ROBO1: variants seen among roughly 807,000 people sequenced by gnomAD.
ROBO1 encodes roundabout guidance receptor 1.
In ROBO1, 149 loss-of-function variants were observed where a neutral mutation model predicts 195.9. The observed-to-expected ratio is 0.76, with a 90% CI of 0.67 to 0.87. The LOEUF is 0.87. Ranked by LOEUF, ROBO1 falls within the 40% of genes least tolerant of loss-of-function variation. ROBO1 has a pLI of 0.00. For synonymous variants in ROBO1, 816 were observed against 733.2 expected (o/e 1.11, Z -1.82); for missense variants, 1,933 against 2,068.3 (o/e 0.93, Z 1.27).
chr3:79,336,694 C>T (rs1329546372), intron 2 of ROBO1, among the ~76,000 whole-genome samples: 3 of 152,168 alleles, frequency 2.0e-5, no homozygotes, highest in African/African-American at 7.2e-5. Context: ...CCTAGTGGAG[C>T]TGTGAGAAGA....
chr3:78,835,049 T>G (rs71324650), intron 4 of ROBO1, among the ~76,000 whole-genome samples: 64 of 152,272 alleles, frequency 4.2e-4, no homozygotes, highest in Non-Finnish European at 7.1e-4. Flanking sequence ...CGACGGACTT[T>G]CATAACAGAG....
intron 4 of ROBO1, among the ~76,000 whole-genome samples, chr3:78,801,527 T>A (rs2084371373): frequency 6.6e-6 from 1 of 152,046 alleles, no homozygotes. Context: ...AGACATAAAA[T>A]GAAAATGTCA....
intron 4 of ROBO1, among the ~76,000 whole-genome samples, chr3:78,886,909 G>A (rs909267370): frequency 6.6e-6 from 1 of 152,022 alleles, no homozygotes; most frequent in African/African-American, 2.4e-5. Context: ...TGAGTTGCTG[G>A]TAATATCCTG....
At chr3:79,137,409 G>A (rs549468110) in intron 2 of ROBO1, among the ~76,000 whole-genome samples, 2 of 139,786 alleles carry the variant, frequency 1.4e-5, no homozygotes, top group Non-Finnish European at 3.1e-5. Context: ...TTCACACAAT[G>A]ATCTCAAAAT....
At chr3:79,107,408 C>G (rs932827299) in intron 3 of ROBO1, among the ~76,000 whole-genome samples, 1 of 151,628 alleles carries the variant, frequency 6.6e-6, no homozygotes, top group Non-Finnish European at 1.5e-5. Flanking sequence ...AGAGTTATAG[C>G]AGAGTTGCAA....
chr3:78,617,797 AGC>A lies in ROBO1; in HGVS notation c.4118_4119del (p.Gly1373ValfsTer18). The A allele has an allele frequency of 6.2e-7, 1 of 1,613,920 alleles. No individual in the cohort carries two copies. Among genetic ancestry groups the A allele is most frequent in the Non-Finnish European group, 8.5e-7 (1 of 1,179,854 alleles). ...TTGTCCTCCTCTGAGGCTGAGCCCC[AGC>A]CGTTGATCATGGACCCCGTGACAGA... ...ESSVTGSMIN[G>X]WGSASEEDNI... is the part of the protein sequence containing the mutation. On this transcript the variant is annotated frameshift_variant, in exon 27 of 31. Coordinates refer to ENST00000464233, the MANE Select transcript of ROBO1 (RefSeq NM_002941.4). LOFTEE classifies it high-confidence loss of function.
intron 1 of ROBO1, among the ~76,000 whole-genome samples, chr3:79,720,771 T>C (rs1393558231): frequency 1.3e-5 from 2 of 150,586 alleles, no homozygotes; most frequent in East Asian, 2.0e-4. Context: ...ATTAGTCACA[T>C]ACATAATTAA....
intron 4 of ROBO1, among the ~76,000 whole-genome samples, chr3:78,847,525 G>A (rs1243296824): frequency 6.6e-6 from 1 of 152,120 alleles, no homozygotes; most frequent in Non-Finnish European, 1.5e-5. Context: ...CAAAATATCT[G>A]GGTGGAGCAC....
rs113887855 is a variant in ROBO1 at position 79,058,821 on chromosome 3, G to T, written c.172+66635C>A. On this transcript the variant is annotated intron_variant, in intron 3 of 30. Coordinates refer to ENST00000464233, the MANE Select transcript of ROBO1 (RefSeq NM_002941.4). Reference sequence around the variant, plus strand: ...CTCCCCCTCAATACATTTAATTAATGAAGTGTTACAGCAAATTCTAAAAAG... The same window carrying T: ...CTCCCCCTCAATACATTTAATTAATTAAGTGTTACAGCAAATTCTAAAAAG... Among the ~76,000 whole-genome samples, 959 of 152,162 alleles carry T rather than the reference G, an allele frequency of 6.3e-3. 15 individuals are homozygous for T. The highest frequency in any genetic ancestry group is 0.022 in the African/African-American group (914 of 41,540).
chr3:79,733,143 C>T (rs1011372979), intron 1 of ROBO1, among the ~76,000 whole-genome samples: 4 of 152,178 alleles, frequency 2.6e-5, no homozygotes, highest in Non-Finnish European at 5.9e-5. Flanking sequence ...GCAAGGGCTA[C>T]ACTTTTTACC....
intron 28 of ROBO1, among the ~76,000 whole-genome samples, chr3:78,609,391 C>A (rs536830401): frequency 6.6e-6 from 1 of 152,148 alleles, no homozygotes; most frequent in African/African-American, 2.4e-5. Flanking sequence ...GCAGGGAGCA[C>A]CGTTCACATC....
At chr3:78,671,242 TA>T (rs1272958436) in intron 10 of ROBO1, among the ~76,000 whole-genome samples, 1 of 152,076 alleles carries the variant, frequency 6.6e-6, no homozygotes, top group African/African-American at 2.4e-5. Flanking sequence ...GAATAAATCC[TA>T]CATTGAAGAG....
chr3:79,543,061 C>T (rs1559978540), intron 2 of ROBO1, among the ~76,000 whole-genome samples: 3 of 151,962 alleles, frequency 2.0e-5, no homozygotes, highest in Non-Finnish European at 2.9e-5. Context: ...GCATTTATCT[C>T]ATACAGTGAA....
intron 4 of ROBO1, among the ~76,000 whole-genome samples, chr3:78,904,137 C>T (rs993439785): frequency 3.3e-5 from 5 of 151,218 alleles, no homozygotes; most frequent in Non-Finnish European, 7.4e-5. Context: ...CATATATATA[C>T]ATATATATAC....
intron 4 of ROBO1, among the ~76,000 whole-genome samples, chr3:78,748,937 A>G (rs2082723692): frequency 6.6e-6 from 1 of 152,210 alleles, no homozygotes; most frequent in African/African-American, 2.4e-5. Context: ...AATAAAATAT[A>G]TAGACACAAA....
intron 1 of ROBO1, among the ~76,000 whole-genome samples, chr3:79,732,372 G>A (rs9813885): frequency 0.76 from 106,199 of 139,896 alleles, 37,365 homozygotes; most frequent in Middle Eastern, 0.84. Context: ...AATATACTTT[G>A]TTTAAAATTA....
intron 3 of ROBO1, among the ~76,000 whole-genome samples, chr3:78,966,047 T>C (rs1366649076): frequency 6.6e-6 from 1 of 152,204 alleles, no homozygotes; most frequent in Non-Finnish European, 1.5e-5. Context: ...CTCCATCTCC[T>C]GTCAGATCAG....
intron 3 of ROBO1, among the ~76,000 whole-genome samples, chr3:79,006,758 A>G (rs1423919441): frequency 2.2e-3 from 3 of 1,374 alleles, no homozygotes; most frequent in Non-Finnish European, 0.019. Context: ...AAAATATCGG[A>G]AAAAAAAAAA....
At chr3:78,946,174 C>T (rs1021117471) in intron 3 of ROBO1, among the ~76,000 whole-genome samples, 8 of 152,018 alleles carry the variant, frequency 5.3e-5, no homozygotes, top group Middle Eastern at 3.2e-3. Context: ...ACAGAGAACA[C>T]CACAAAGATA....
Sources: allele counts gnomAD v4.1 joint callset (sites outside exome capture counted in the v4.1 genomes callset), GRCh38; gene constraint gnomAD v4.1.1; transcripts MANE v1.5; gene names NCBI Gene and HGNC (gene_info 2026-07-23, HGNC 2026-07-21).